Variants in MTUS2 observed in about 807,000 individuals in gnomAD.
MTUS2 encodes the protein microtubule associated scaffold protein 2.
MTUS2 carries 40 observed loss-of-function variants against 114.1 expected under a neutral mutation model. The observed-to-expected ratio is 0.35, with a 90% CI of 0.27 to 0.46. The LOEUF is 0.46. Among genes scored for constraint, MTUS2 ranks in the 20% least tolerant of loss-of-function variants. MTUS2 has a pLI of 1.00. For missense variants in MTUS2, 1,679 were observed against 1,705.4 expected, an observed-to-expected ratio of 0.98 and a Z score of 0.27; for synonymous variants, 688 against 672.0, an observed-to-expected ratio of 1.02 and a Z score of -0.37.
At chr13:29,466,118 C>T (rs1377629385) in intron 9 of MTUS2, among the ~76,000 whole-genome samples, 1 of 152,226 alleles carries the variant, frequency 6.6e-6, no homozygotes, top group Non-Finnish European at 1.5e-5. Context: ...ACAGGCCTGC[C>T]CTTTGGGAAC....
At chr13:29,488,092 T>C (rs569008330) in intron 11 of MTUS2, 87 bp downstream of exon 11, 2 of 1,008,596 alleles carry the variant, frequency 2.0e-6, no homozygotes, top group South Asian at 2.6e-5. Flanking sequence ...CCCCCCTTCC[T>C]CTCTTGTCCC....
intron 5 of MTUS2, among the ~76,000 whole-genome samples, chr13:29,122,518 A>G (rs1188732226): frequency 6.6e-6 from 1 of 152,132 alleles, no homozygotes; most frequent in African/African-American, 2.4e-5. Context: ...CATGAGGATA[A>G]CCATCCCCAT....
chr13:29,335,297 G>A (rs1008242874), intron 7 of MTUS2, among the ~76,000 whole-genome samples: 2 of 152,136 alleles, frequency 1.3e-5, no homozygotes, highest in African/African-American at 4.8e-5. Flanking sequence ...GGCTTATTAG[G>A]ACGAGGAAAT....
rs373178294 is a variant in MTUS2, at chr13:28,844,981, G to A, written c.-243+5131G>A. Among the ~76,000 whole-genome samples, 9 of 151,964 alleles carry A rather than the reference G, an allele frequency of 5.9e-5. No homozygotes were observed. In the East Asian group the frequency reaches 1.5e-3, roughly 26 times the overall value. ...TAATTAATTTATTTTTTAGAGACAG[G>A]ATTTCACCTTATCACCCAGGCTGGA... On this transcript the variant is annotated intron_variant, in intron 2 of 15. Coordinates refer to ENST00000612955, the MANE Select transcript of MTUS2 (RefSeq NM_001033602.4).
At chr13:28,857,273 G>C (rs1198211603) in intron 2 of MTUS2, among the ~76,000 whole-genome samples, 1 of 152,206 alleles carries the variant, frequency 6.6e-6, no homozygotes, top group Admixed American at 6.5e-5. Context: ...CTTAAATGTA[G>C]AAACTTGACC....
At chr13:29,360,460 T>C (rs532995328) in intron 8 of MTUS2, among the ~76,000 whole-genome samples, 1 of 152,294 alleles carries the variant, frequency 6.6e-6, no homozygotes, top group African/African-American at 2.4e-5. Context: ...ATTATTTTTG[T>C]TTGTTTAAAG....
chr13:28,972,992 A>T (rs2138261525), intron 2 of MTUS2, among the ~76,000 whole-genome samples: 1 of 152,240 alleles, frequency 6.6e-6, no homozygotes, highest in African/African-American at 2.4e-5. Context: ...TCCTCTTATT[A>T]TATATGTATA....
At position 29,480,261 on chromosome 13, in the gene MTUS2, A is replaced by G; in HGVS notation, c.3296A>G (p.Glu1099Gly). The change falls in exon 10 of 16, where the codon GAG (glutamate) becomes GGG (glycine). Residue 1099 changes from glutamate to glycine, a missense_variant. Glu to Gly is a moderately conservative substitution (Grantham distance 98). Coordinates refer to ENST00000612955, the MANE Select transcript of MTUS2 (RefSeq NM_001033602.4). This position sits in a 1 kb window ranked among gnomAD's most constrained non-coding sequence, Gnocchi z 4.4. ...LGWQQQAELQ[E>G]LEERLQLQFE... ...TGGCAGCAGCAGGCCGAGCTCCAGG[A>G]GCTGGAGGAGCGGCTGCAGCTGCAA... is the stretch of plus-strand genomic sequence containing the variant. 6.4e-7 allele frequency: 1 copy of G among 1,553,934 alleles called. No individual in the cohort carries two copies.
chr13:29,280,083 T>C (rs934620906), intron 5 of MTUS2, among the ~76,000 whole-genome samples: 8 of 152,234 alleles, frequency 5.3e-5, no homozygotes, highest in African/African-American at 1.9e-4. Flanking sequence ...ATCATTCAAT[T>C]CCTGAGAGAG....
intron 5 of MTUS2, among the ~76,000 whole-genome samples, chr13:29,159,683 G>A (rs1018590851): frequency 6.6e-6 from 1 of 151,882 alleles, no homozygotes; most frequent in Non-Finnish European, 1.5e-5. Flanking sequence ...GTAGATAAGA[G>A]ATATGAGCAG....
chr13:28,826,281 A>G (rs1268002471), intron 1 of MTUS2, among the ~76,000 whole-genome samples: 1 of 152,230 alleles, frequency 6.6e-6, no homozygotes. Context: ...ACATGGTTAG[A>G]TGAATGAATA....
intron 5 of MTUS2, among the ~76,000 whole-genome samples, chr13:29,224,531 A>G (rs1896032645): frequency 6.6e-6 from 1 of 151,814 alleles, no homozygotes; most frequent in African/African-American, 2.4e-5. Context: ...TATCTCTCCT[A>G]TATCTATATG....
Position 29,012,349 on chromosome 13 carries a change from C to G in MTUS2, c.-242-12108C>G, listed in dbSNP as rs541964789. On this transcript the variant is annotated intron_variant, in intron 2 of 15. Transcript: ENST00000612955. ...GCCCTCCCTGGAATTAGCTTTTCTCCCCACCTACTCAGGTGGATTTTGGGA... is the reference window on the plus strand; with the variant it reads ...GCCCTCCCTGGAATTAGCTTTTCTCGCCACCTACTCAGGTGGATTTTGGGA... Among the ~76,000 whole-genome samples the G allele has an allele frequency of 3.3e-5, 5 of 152,196 alleles. No homozygotes were observed. The South Asian group carries it at 1.0e-3, about 32-fold the overall frequency.
intron 2 of MTUS2, among the ~76,000 whole-genome samples, chr13:29,019,583 C>G (rs1886211077): frequency 6.6e-6 from 1 of 152,136 alleles, no homozygotes; most frequent in African/African-American, 2.4e-5. Flanking sequence ...GTGCTAAAAC[C>G]AGTTACAAAT....
At chr13:29,108,511 C>T (rs1890758507) in intron 5 of MTUS2, among the ~76,000 whole-genome samples, 1 of 152,186 alleles carries the variant, frequency 6.6e-6, no homozygotes, top group Non-Finnish European at 1.5e-5. Flanking sequence ...ATTAGATTAT[C>T]TGCTTACCCT....
chr13:29,318,569 A>T (rs1900118986), intron 6 of MTUS2, among the ~76,000 whole-genome samples: 1 of 152,116 alleles, frequency 6.6e-6, no homozygotes, highest in African/African-American at 2.4e-5. Context: ...TTGATTGGGC[A>T]GCTTTAGGGC....
intron 8 of MTUS2, among the ~76,000 whole-genome samples, chr13:29,373,629 G>A (rs935786161): frequency 2.0e-5 from 3 of 152,208 alleles, no homozygotes; most frequent in African/African-American, 4.8e-5. Flanking sequence ...GGAGGCACAT[G>A]AGGTATGGAT....
At chr13:29,024,020 G>A (rs1886401670) in intron 2 of MTUS2, among the ~76,000 whole-genome samples, 1 of 152,140 alleles carries the variant, frequency 6.6e-6, no homozygotes, top group South Asian at 2.1e-4. Context: ...TGAATATCTT[G>A]TTCCCCAACA....
chr13:29,261,891 T>A (rs576844451), intron 5 of MTUS2, among the ~76,000 whole-genome samples: 1 of 148,454 alleles, frequency 6.7e-6, no homozygotes, highest in South Asian at 2.1e-4. Context: ...TGGGTCTAAT[T>A]GATATAAAAG....
Sources: allele counts gnomAD v4.1 joint callset (sites outside exome capture counted in the v4.1 genomes callset), GRCh38; gene constraint gnomAD v4.1.1; non-coding constraint Gnocchi (gnomAD v3.1); transcripts MANE v1.5; gene names NCBI Gene and HGNC (gene_info 2026-07-23, HGNC 2026-07-21).